The following RHOBTB2 variants were observed in gnomAD, a reference collection of about 807,000 sequenced individuals.
RHOBTB2 encodes rho-related BTB domain-containing protein 2.
RHOBTB2 carries 39 observed loss-of-function variants against 66.5 expected under a neutral mutation model. The ratio of observed to expected loss-of-function variants is 0.59; its 90% CI spans 0.45 to 0.77. The LOEUF is 0.77. Ranked by LOEUF, RHOBTB2 falls within the 30% of genes least tolerant of loss-of-function variation. RHOBTB2 has a pLI of 0.00. For synonymous variants in RHOBTB2, 390 were observed against 395.0 expected, an observed-to-expected ratio of 0.99 and a Z score of 0.15; for missense variants, 755 against 999.1, an observed-to-expected ratio of 0.76 and a Z score of 3.29.
chr8:22,965,701 C>T, the RHOBTB2 span, among the ~76,000 whole-genome samples: 61,167 of 151,950 alleles, frequency 0.4, 13,863 homozygotes, highest in East Asian at 0.59. Flanking sequence ...TTTCAACAAA[C>T]GGTACTAGAA....
chr8:22,991,568 AG>A (rs747652701), intron 1 of RHOBTB2, among the ~76,000 whole-genome samples: 2 of 152,350 alleles, frequency 1.3e-5, no homozygotes, highest in Admixed American at 6.5e-5. Flanking sequence ...AGTCAGGGCC[AG>A]AGACCCCTCA....
In RHOBTB2 at chr8:23,006,214, G is replaced by T; in HGVS notation, c.482+69G>T. The T allele has an allele frequency of 1.4e-6, 2 of 1,384,844 alleles. No individual in the cohort carries two copies. The highest frequency in any genetic ancestry group is 2.0e-6 in the Non-Finnish European group (2 of 1,005,192). The allele number at this position is 1,384,844 out of a possible 1,614,324, so 85.8% of individuals were successfully genotyped here. On this transcript the variant is annotated intron_variant, in intron 4 of 9. Transcript: ENST00000251822. This position sits in a 1 kb window ranked among gnomAD's most constrained non-coding sequence, Gnocchi z 6.1. ...TCACCATGGCTCCCTGCTCAGCCCT[G>T]GGGGAATTCCACTGAGCCTCATATC...
chr8:22,978,843 T>C, the RHOBTB2 span, among the ~76,000 whole-genome samples: 5,289 of 152,232 alleles, frequency 0.035, 284 homozygotes, highest in African/African-American at 0.12. Context: ...GGTATTCAGA[T>C]GTTGAAATCA....
chr8:22,982,250 C>T, the RHOBTB2 span, among the ~76,000 whole-genome samples: 1 of 152,348 alleles, frequency 6.6e-6, no homozygotes, highest in African/African-American at 2.4e-5. Flanking sequence ...CTCCCTGTCT[C>T]CTGGCCTTCC....
upstream of RHOBTB2, among the ~76,000 whole-genome samples, chr8:22,982,552 G>T (rs1810229104): frequency 6.6e-6 from 1 of 152,140 alleles, no homozygotes; most frequent in South Asian, 2.1e-4. Context: ...AACCCAGGAG[G>T]CAGATGTTGC....
chr8:23,005,679 A>T (rs1170737696), intron 3 of RHOBTB2, among the ~76,000 whole-genome samples: 1 of 152,160 alleles, frequency 6.6e-6, no homozygotes, highest in Non-Finnish European at 1.5e-5. Context: ...ATTGAGTTCC[A>T]GCTCTGTGCC....
upstream of RHOBTB2, among the ~76,000 whole-genome samples, chr8:22,986,212 G>T (rs1476240441): frequency 6.6e-6 from 1 of 151,116 alleles, no homozygotes; most frequent in African/African-American, 2.4e-5. Context: ...GGTTGCCAGG[G>T]AATGGGTTGC....
At chr8:23,012,297 A>C (rs939814329) in intron 7 of RHOBTB2, among the ~76,000 whole-genome samples, 3 of 152,254 alleles carry the variant, frequency 2.0e-5, no homozygotes, top group African/African-American at 7.2e-5. Context: ...ACCGTTGGTG[A>C]AGCACACACA....
At chr8:22,956,108 A>G in the RHOBTB2 span, among the ~76,000 whole-genome samples, 1 of 152,208 alleles carries the variant, frequency 6.6e-6, no homozygotes, top group Admixed American at 6.5e-5. Context: ...GAAGTTACAC[A>G]AACAGTACAG....
chr8:22,983,910 T>A (rs1308189961), upstream of RHOBTB2, among the ~76,000 whole-genome samples: 2 of 152,050 alleles, frequency 1.3e-5, no homozygotes, highest in African/African-American at 4.8e-5. Context: ...AATTTTTGTA[T>A]TTTTTAGTAG....
At position 23,011,896 on chromosome 8, in the gene RHOBTB2, T is replaced by G. The variant is rs183565677; in HGVS notation, c.1771+1208T>G. On this transcript the variant is annotated intron_variant, in intron 7 of 9. Coordinates refer to ENST00000251822, the MANE Select transcript of RHOBTB2 (RefSeq NM_015178.3). Reference sequence around the variant, plus strand: ...GATGATCAAGATCGGGGCTCAGATATGAGGGAAAACAGCAATCCGTGAGGA... The same window carrying G: ...GATGATCAAGATCGGGGCTCAGATAGGAGGGAAAACAGCAATCCGTGAGGA... Among the ~76,000 whole-genome samples the G allele has an allele frequency of 1.6e-4, 25 of 152,254 alleles. No individual in the cohort carries two copies. In the East Asian group the frequency reaches 4.8e-3, roughly 29 times the overall value.
intron 7 of RHOBTB2, among the ~76,000 whole-genome samples, chr8:23,012,299 G>A (rs1323491710): frequency 6.6e-6 from 1 of 152,196 alleles, no homozygotes; most frequent in Non-Finnish European, 1.5e-5. Context: ...CGTTGGTGAA[G>A]CACACACAGG....
chr8:23,005,948 T>G lies in RHOBTB2; in HGVS notation c.297-12T>G, dbSNP rs750126609. ...TGTTTCTCTGCCCGTAACCTTACTT[T>G]CCCACCCGCAGATCTGATGTGGTGG... On this transcript the variant is annotated splice_polypyrimidine_tract_variant and intron_variant, in intron 3 of 9. Transcript: ENST00000251822. The G allele has an allele frequency of 6.2e-7, 1 of 1,604,334 alleles. No homozygotes were observed.
intron 1 of RHOBTB2, among the ~76,000 whole-genome samples, chr8:22,988,912 C>T (rs1810355523): frequency 6.6e-6 from 1 of 152,132 alleles, no homozygotes. Context: ...GGCAGCTTGG[C>T]TGATTTGGGC....
At chr8:22,994,122 A>G (rs1257521917) in intron 2 of RHOBTB2, among the ~76,000 whole-genome samples, 1 of 152,230 alleles carries the variant, frequency 6.6e-6, no homozygotes, top group African/African-American at 2.4e-5. Flanking sequence ...CACAGAGGAT[A>G]TCAGGGCCAG....
At chr8:22,972,823 T>A in the RHOBTB2 span, among the ~76,000 whole-genome samples, 1 of 152,250 alleles carries the variant, frequency 6.6e-6, no homozygotes, top group Non-Finnish European at 1.5e-5. Flanking sequence ...TCTGTCAGGA[T>A]GAAGTCCACA....
chr8:23,008,905 T>C (rs964094673), intron 6 of RHOBTB2, among the ~76,000 whole-genome samples: 3 of 151,818 alleles, frequency 2.0e-5, no homozygotes, highest in African/African-American at 7.3e-5. Context: ...GGGCTCTGGA[T>C]TGGTTGGTTT....
upstream of RHOBTB2, among the ~76,000 whole-genome samples, chr8:22,996,707 C>T (rs11989504): frequency 4.0e-3 from 606 of 151,976 alleles, 4 homozygotes; most frequent in African/African-American, 0.013. Flanking sequence ...GGTGGGAGGG[C>T]GCAGTGAAGG....
At position 23,018,169 on chromosome 8, in the gene RHOBTB2, A is replaced by G. The variant is rs1471701624; in HGVS notation, c.*700A>G. ...TGGAAGCAGTGCCTCTTGGTGCAAC[A>G]AGAAACTTCTCCCTCACCCCCTCCT... On this transcript the variant is annotated 3_prime_UTR_variant, in exon 10 of 10. Coordinates refer to ENST00000251822, the MANE Select transcript of RHOBTB2 (RefSeq NM_015178.3). 6.6e-6 allele frequency: 1 copy of G among 152,440 alleles called. No individual in the cohort carries two copies. Among genetic ancestry groups the G allele is most frequent in the Non-Finnish European group, 1.5e-5 (1 of 68,210 alleles). 9.4% of individuals were successfully genotyped at this position (152,440 alleles called of 1,614,324 possible). A position where few individuals can be genotyped will look rare whatever the true frequency, so the allele number is the denominator to read the frequency against.
Sources: allele counts gnomAD v4.1 joint callset (sites outside exome capture counted in the v4.1 genomes callset), GRCh38; gene constraint gnomAD v4.1.1; non-coding constraint Gnocchi (gnomAD v3.1); transcripts MANE v1.5; gene names NCBI Gene and HGNC (gene_info 2026-07-23, HGNC 2026-07-21).